SH3RF3: variants seen among roughly 807,000 people sequenced by gnomAD.
The protein encoded by SH3RF3 is E3 ubiquitin-protein ligase SH3RF3.
SH3RF3 carries 29 observed loss-of-function variants against 66.3 expected under a neutral mutation model. The ratio of observed to expected loss-of-function variants is 0.44; its 90% CI spans 0.33 to 0.60. SH3RF3 has a LOEUF of 0.60. Ranked by LOEUF, SH3RF3 falls within the 20% of genes least tolerant of loss-of-function variation. The pLI, the probability that SH3RF3 is intolerant of heterozygous loss-of-function variation, is 0.04. For synonymous variants in SH3RF3, 583 were observed against 532.0 expected, an observed-to-expected ratio of 1.10 and a Z score of -1.32; for missense variants, 1,194 against 1,190.9, an observed-to-expected ratio of 1.00 and a Z score of -0.04.
At position 109,483,602 on chromosome 2, in the gene SH3RF3, C is replaced by A. The variant is rs114974993; in HGVS notation, c.2149-7003C>A. On this transcript the variant is annotated intron_variant, in intron 8 of 9. Coordinates refer to ENST00000309415, the MANE Select transcript of SH3RF3 (RefSeq NM_001099289.3). ...CCTATCTGCTGTGTCGGCCAAAATA[C>A]TGTTATTCAACAGATTGCTAGAGGG... 9.7e-3 allele frequency among the ~76,000 whole-genome samples: 1,478 copies of A among 152,334 alleles called. 8 individuals carry two copies. Among genetic ancestry groups the A allele is most frequent in the Non-Finnish European group, 0.016 (1,102 of 68,028 alleles).
intron 3 of SH3RF3, among the ~76,000 whole-genome samples, chr2:109,389,531 T>A (rs983107480): frequency 6.6e-6 from 1 of 152,174 alleles, no homozygotes; most frequent in Non-Finnish European, 1.5e-5. Context: ...AAAAGGCCGG[T>A]CAGGACCCAA....
chr2:109,395,579 C>T (rs1676119901), intron 3 of SH3RF3, among the ~76,000 whole-genome samples: 1 of 152,204 alleles, frequency 6.6e-6, no homozygotes, highest in Non-Finnish European at 1.5e-5. Context: ...ACTTTCAGCA[C>T]CGGCCTTCGG....
intron 1 of SH3RF3, among the ~76,000 whole-genome samples, chr2:109,145,298 A>T (rs984770815): frequency 6.6e-6 from 1 of 152,170 alleles, no homozygotes; most frequent in African/African-American, 2.4e-5. Context: ...TGGTGGTTAC[A>T]AGCCCACTCA....
intron 1 of SH3RF3, among the ~76,000 whole-genome samples, chr2:109,206,567 G>C (rs990428394): frequency 1.3e-5 from 2 of 149,920 alleles, no homozygotes; most frequent in African/African-American, 4.9e-5. Flanking sequence ...CCAGCAGTTT[G>C]GGAGGTCAAG....
At chr2:109,165,325 C>T (rs1045206477) in intron 1 of SH3RF3, among the ~76,000 whole-genome samples, 6 of 152,166 alleles carry the variant, frequency 3.9e-5, no homozygotes, top group Non-Finnish European at 5.9e-5. Flanking sequence ...TTTCTCATTC[C>T]CTCCCTCATC....
chr2:109,366,130 T>G (rs1574600150), intron 2 of SH3RF3, among the ~76,000 whole-genome samples: 1 of 152,226 alleles, frequency 6.6e-6, no homozygotes, highest in Non-Finnish European at 1.5e-5. Context: ...GAGTTATCCA[T>G]TCTTTAAATT....
intron 1 of SH3RF3, among the ~76,000 whole-genome samples, chr2:109,201,673 C>T (rs1460382812): frequency 6.6e-6 from 1 of 152,246 alleles, no homozygotes; most frequent in Non-Finnish European, 1.5e-5. Flanking sequence ...CTGCCCACTT[C>T]TCCAGCCCGT....
At chr2:109,234,047 T>C (rs1679584794) in intron 1 of SH3RF3, among the ~76,000 whole-genome samples, 2 of 152,250 alleles carry the variant, frequency 1.3e-5, no homozygotes, top group East Asian at 3.8e-4. Flanking sequence ...TATGTTTCCA[T>C]TTCTCTTGGA....
At chr2:109,371,482 T>G (rs1293582503) in intron 2 of SH3RF3, 104 bp from the exon 3 acceptor site, 2 of 863,938 alleles carry the variant, frequency 2.3e-6, no homozygotes, top group African/African-American at 3.3e-5. Flanking sequence ...AACTCATTCC[T>G]TGGAATCTCT....
chr2:109,196,237 A>G (rs1482087738), intron 1 of SH3RF3, among the ~76,000 whole-genome samples: 1 of 152,100 alleles, frequency 6.6e-6, no homozygotes, highest in Non-Finnish European at 1.5e-5. Context: ...GACGGCAGAG[A>G]CTGCCCACCC....
chr2:109,151,700 G>A (rs1238594597), intron 1 of SH3RF3, among the ~76,000 whole-genome samples: 2 of 152,234 alleles, frequency 1.3e-5, no homozygotes, highest in South Asian at 2.1e-4. Context: ...GGCATGTGGT[G>A]CCCACAGGTG....
At position 109,170,233 on chromosome 2, in the gene SH3RF3, TC is replaced by T. The variant is rs1207830014; in HGVS notation, c.573+40121del. Among the ~76,000 whole-genome samples the T allele has an allele frequency of 6.7e-3, 400 of 59,904 alleles. 2 individuals are homozygous for T. The highest frequency in any genetic ancestry group is 0.025 in the African/African-American group (348 of 13,996). 39.3% of individuals were successfully genotyped at this position (59,904 alleles called of 152,430 possible). ...TCTCTCTCTTTTTTCTCTTCTCTTC[TC>T]TTCTTTTCTTTTCTCTTCTCTTCTC... On this transcript the variant is annotated intron_variant, in intron 1 of 9. Transcript: ENST00000309415.
intron 1 of SH3RF3, among the ~76,000 whole-genome samples, chr2:109,205,866 C>T (rs1039115098): frequency 2.6e-5 from 4 of 152,280 alleles, no homozygotes; most frequent in Middle Eastern, 3.4e-3. Flanking sequence ...TTCTCCTTTC[C>T]GCTTCCTGTT....
At chr2:109,315,144 T>C (rs1161279475) in intron 1 of SH3RF3, among the ~76,000 whole-genome samples, 1 of 152,246 alleles carries the variant, frequency 6.6e-6, no homozygotes. Flanking sequence ...TGTTTTACTT[T>C]ACTGAGTATA....
chr2:109,371,808 C>T, intron 3 of SH3RF3, 127 bp downstream of exon 3: 2 of 775,390 alleles, frequency 2.6e-6, no homozygotes, highest in Non-Finnish European at 2.2e-6. Context: ...TAGCCTCTGG[C>T]CAGAGAGCTG....
chr2:109,157,555 A>G (rs1490080141), intron 1 of SH3RF3, among the ~76,000 whole-genome samples: 1 of 152,178 alleles, frequency 6.6e-6, no homozygotes, highest in African/African-American at 2.4e-5. Flanking sequence ...TATGAGGAAA[A>G]AGATTTCCTT....
At chr2:109,492,738 C>A (rs576591399) in intron 9 of SH3RF3, among the ~76,000 whole-genome samples, 2 of 152,148 alleles carry the variant, frequency 1.3e-5, no homozygotes, top group Admixed American at 1.3e-4. Context: ...TCATGGCCCA[C>A]GCCCTGAGCT....
chr2:109,192,439 G>A (rs1426556045), intron 1 of SH3RF3, among the ~76,000 whole-genome samples: 1 of 152,150 alleles, frequency 6.6e-6, no homozygotes, highest in East Asian at 1.9e-4. Flanking sequence ...ATTATTAAGA[G>A]GAAATGCACT....
intron 1 of SH3RF3, among the ~76,000 whole-genome samples, chr2:109,311,426 C>T (rs1681719879): frequency 7.0e-6 from 1 of 142,952 alleles, no homozygotes; most frequent in African/African-American, 2.7e-5. Flanking sequence ...CCTTTGAAAA[C>T]TGGCACAAGA....
Sources: allele counts gnomAD v4.1 joint callset (sites outside exome capture counted in the v4.1 genomes callset), GRCh38; gene constraint gnomAD v4.1.1; transcripts MANE v1.5; gene names NCBI Gene and HGNC (gene_info 2026-07-23, HGNC 2026-07-21).